SPAG16: variants seen among roughly 807,000 people sequenced by gnomAD.
SPAG16 encodes sperm associated antigen 16.
Under a neutral mutation model 80.4 loss-of-function variants are expected in SPAG16, and 86 were observed. The observed-to-expected ratio is 1.07, with a 90% CI of 0.90 to 1.28. The LOEUF (loss-of-function observed/expected upper bound fraction) is 1.28, where lower values mean the gene tolerates loss of function less well. SPAG16 is among the 50% of genes most tolerant of loss of function. The probability of loss-of-function intolerance (pLI) is 0.00; values close to 1 mark genes in which losing one functional copy is unlikely to be tolerated. For synonymous variants in SPAG16, 294 were observed against 265.9 expected (o/e 1.11, Z -1.03); for missense variants, 870 against 765.3 (o/e 1.14, Z -1.61).
intron 10 of SPAG16, among the ~76,000 whole-genome samples, chr2:213,798,051 C>G (rs576087040): frequency 9.9e-5 from 15 of 152,156 alleles, no homozygotes; most frequent in Non-Finnish European, 1.9e-4. Flanking sequence ...CTTGCATTCC[C>G]CTAATGACTA....
chr2:213,288,148 G>T (rs1181229313), intron 1 of SPAG16, among the ~76,000 whole-genome samples: 1 of 152,078 alleles, frequency 6.6e-6, no homozygotes, highest in East Asian at 1.9e-4. Flanking sequence ...GAACTCCTGT[G>T]CTCAAGGCAT....
chr2:214,087,367 GA>G, intron 13 of SPAG16, among the ~76,000 whole-genome samples: 1 of 152,066 alleles, frequency 6.6e-6, no homozygotes, highest in Non-Finnish European at 1.5e-5. Flanking sequence ...TACTTAACAT[GA>G]CAATAAACTA....
chr2:213,951,933 G>A (rs72950729), intron 12 of SPAG16, among the ~76,000 whole-genome samples: 22,217 of 152,072 alleles, frequency 0.15, 2,033 homozygotes, highest in Non-Finnish European at 0.21. Flanking sequence ...CTGATGGAGC[G>A]CATCAAAGAA....
intron 15 of SPAG16, among the ~76,000 whole-genome samples, chr2:214,212,369 T>G (rs1490104939): frequency 1.3e-5 from 2 of 152,144 alleles, no homozygotes; most frequent in Non-Finnish European, 2.9e-5. Flanking sequence ...TTGACCTCCC[T>G]ATGATATTAA....
At chr2:214,071,670 T>C (rs2050793930) in intron 13 of SPAG16, among the ~76,000 whole-genome samples, 1 of 152,118 alleles carries the variant, frequency 6.6e-6, no homozygotes, top group African/African-American at 2.4e-5. Flanking sequence ...CAGTCAGCCT[T>C]TCCTATCCTC....
intron 15 of SPAG16, among the ~76,000 whole-genome samples, chr2:214,150,662 C>A (rs183172739): frequency 4.6e-5 from 7 of 152,050 alleles, no homozygotes; most frequent in Admixed American, 4.6e-4. Context: ...ATTTTGAACT[C>A]CGAAATTTCA....
At chr2:214,295,754 G>A (rs927199668) in intron 15 of SPAG16, among the ~76,000 whole-genome samples, 10 of 151,894 alleles carry the variant, frequency 6.6e-5, no homozygotes, top group South Asian at 2.1e-4. Flanking sequence ...TCAAGCCACC[G>A]AATTCCAGCC....
chr2:214,270,060 C>G (rs1379445690), intron 15 of SPAG16, among the ~76,000 whole-genome samples: 1 of 152,136 alleles, frequency 6.6e-6, no homozygotes, highest in African/African-American at 2.4e-5. Flanking sequence ...CTATTGGAGT[C>G]TTAATTCCTT....
At chr2:213,743,671 A>G (rs1164648297) in intron 10 of SPAG16, among the ~76,000 whole-genome samples, 1 of 152,100 alleles carries the variant, frequency 6.6e-6, no homozygotes, top group Non-Finnish European at 1.5e-5. Context: ...GGCTACTACT[A>G]AAAACTTCTT....
At chr2:213,648,874 G>T (rs771976226) in intron 10 of SPAG16, among the ~76,000 whole-genome samples, 1 of 152,064 alleles carries the variant, frequency 6.6e-6, no homozygotes, top group Non-Finnish European at 1.5e-5. Context: ...AGTTTAAATT[G>T]GTTGCCTAAT....
intron 15 of SPAG16, among the ~76,000 whole-genome samples, chr2:214,363,937 C>T (rs2126074963): frequency 6.6e-6 from 1 of 152,012 alleles, no homozygotes; most frequent in South Asian, 2.1e-4. Flanking sequence ...AGCATGGGAG[C>T]TTCTTTCTCA....
chr2:213,713,213 T>C (rs2066083125), intron 10 of SPAG16, among the ~76,000 whole-genome samples: 2 of 152,128 alleles, frequency 1.3e-5, no homozygotes, highest in Admixed American at 6.5e-5. Flanking sequence ...CAATTCAAGA[T>C]GGGATTTGGG....
rs1235250191 is a variant in SPAG16 at position 213,742,561 on chromosome 2, T to TG, written c.1071-119924_1071-119923insG. ...TTTGCTTATTTCTTTTTTTTTTTTT[T>TG]TTTTTTTTGAGACGAAGTTTCGGTC... On this transcript the variant is annotated intron_variant, in intron 10 of 15. Coordinates refer to ENST00000331683, the MANE Select transcript of SPAG16 (RefSeq NM_024532.5). 8.1e-4 allele frequency among the ~76,000 whole-genome samples: 122 copies of TG among 150,868 alleles called. 3 individuals are homozygous for TG. The highest frequency in any genetic ancestry group is 2.7e-3 in the African/African-American group (110 of 41,134).
At chr2:214,039,989 C>T (rs1035809233) in intron 13 of SPAG16, among the ~76,000 whole-genome samples, 4 of 152,198 alleles carry the variant, frequency 2.6e-5, no homozygotes, top group African/African-American at 9.6e-5. Context: ...CTTCTGCACA[C>T]TCAGTCATTT....
chr2:214,264,382 C>T (rs1435213764), intron 15 of SPAG16, among the ~76,000 whole-genome samples: 3 of 152,150 alleles, frequency 2.0e-5, no homozygotes, highest in African/African-American at 4.8e-5. Context: ...AAGTGCATTT[C>T]TGCTATGCTC....
chr2:214,187,982 A>T (rs1221479948), intron 15 of SPAG16, among the ~76,000 whole-genome samples: 1 of 152,142 alleles, frequency 6.6e-6, no homozygotes, highest in Non-Finnish European at 1.5e-5. Flanking sequence ...ATATGACTTT[A>T]AATGCTGACG....
intron 15 of SPAG16, among the ~76,000 whole-genome samples, chr2:214,301,028 T>TATTATA (rs1491212700): frequency 2.1e-5 from 3 of 141,856 alleles, no homozygotes; most frequent in Non-Finnish European, 4.6e-5. Flanking sequence ...AAACTTAAAG[T>TATTATA]ATAATAATAA....
At chr2:214,226,537 A>T (rs1318416858) in intron 15 of SPAG16, among the ~76,000 whole-genome samples, 1 of 152,106 alleles carries the variant, frequency 6.6e-6, no homozygotes, top group Non-Finnish European at 1.5e-5. Context: ...TCAAGTTTGG[A>T]AGACAAGCAA....
chr2:213,749,948 T>C (rs907111728), intron 10 of SPAG16, among the ~76,000 whole-genome samples: 4 of 152,196 alleles, frequency 2.6e-5, no homozygotes, highest in African/African-American at 7.2e-5. Flanking sequence ...AAAACCCTGG[T>C]TGAGGTACTT....
Sources: allele counts gnomAD v4.1 joint callset (sites outside exome capture counted in the v4.1 genomes callset), GRCh38; gene constraint gnomAD v4.1.1; transcripts MANE v1.5; gene names NCBI Gene and HGNC (gene_info 2026-07-23, HGNC 2026-07-21).